Variants in CHN2 observed in about 807,000 individuals in gnomAD.
CHN2 encodes beta-chimaerin.
A neutral mutation model predicts 56.3 loss-of-function variants in CHN2; 35 were observed. The observed-to-expected ratio is 0.62, with a 90% CI of 0.47 to 0.82. The LOEUF is 0.82. Among genes scored for constraint, CHN2 ranks in the 40% least tolerant of loss-of-function variants. The probability of loss-of-function intolerance (pLI) is 0.00; values close to 1 mark genes in which losing one functional copy is unlikely to be tolerated. For synonymous variants in CHN2, 210 were observed against 212.8 expected (o/e 0.99, Z 0.12); for missense variants, 491 against 580.5 (o/e 0.85, Z 1.58).
intron 1 of CHN2, among the ~76,000 whole-genome samples, chr7:29,306,336 G>T (rs1644508385): frequency 6.6e-6 from 1 of 152,116 alleles, no homozygotes; most frequent in Admixed American, 6.5e-5. Flanking sequence ...TTAATTATTG[G>T]TATCTCTGAA....
chr7:29,371,402 T>C (rs887799865), intron 3 of CHN2, among the ~76,000 whole-genome samples: 1 of 152,210 alleles, frequency 6.6e-6, no homozygotes, highest in African/African-American at 2.4e-5. Context: ...TGCAAATTAA[T>C]ATTTATTGGG....
chr7:29,391,665 G>T (rs796131386), intron 3 of CHN2, among the ~76,000 whole-genome samples: 1 of 152,144 alleles, frequency 6.6e-6, no homozygotes, highest in African/African-American at 2.4e-5. Context: ...CTAAATATCA[G>T]CTTCCCTCTT....
chr7:29,300,642 C>T (rs1345896473), intron 1 of CHN2, among the ~76,000 whole-genome samples: 1 of 152,170 alleles, frequency 6.6e-6, no homozygotes, highest in African/African-American at 2.4e-5. Context: ...ATTCAGTGTT[C>T]AGACTTGAAA....
chr7:29,321,562 CTTTCTTTCT>C (rs1325536428), intron 1 of CHN2, among the ~76,000 whole-genome samples: 1 of 119,640 alleles, frequency 8.4e-6, no homozygotes, highest in African/African-American at 2.8e-5. Flanking sequence ...TTCTTTCTTT[CTTTCTTTCT>C]TTTTTTTTTT....
chr7:29,218,948 T>C (rs921493841), intron 1 of CHN2, among the ~76,000 whole-genome samples: 1 of 150,630 alleles, frequency 6.6e-6, no homozygotes, highest in Non-Finnish European at 1.5e-5. Flanking sequence ...GAACTTAAAG[T>C]ATAATAATAA....
rs143504271 is a variant in CHN2 at position 29,273,166 on chromosome 7, G to A, written c.49+78176G>A. 1.1e-3 allele frequency among the ~76,000 whole-genome samples: 160 copies of A among 151,240 alleles called. 2 individuals carry two copies. The highest frequency in any genetic ancestry group is 3.8e-3 in the African/African-American group (157 of 41,194). ...AATCATTGTTTCATTCTCTATCTCT[G>A]TGTATTTGAGCTTTTTAAATTCCAC... On this transcript the variant is annotated intron_variant, in intron 1 of 12. Coordinates refer to ENST00000222792, the MANE Select transcript of CHN2 (RefSeq NM_004067.4).
chr7:29,465,853 A>T (rs1251471905), intron 6 of CHN2, among the ~76,000 whole-genome samples: 1 of 152,200 alleles, frequency 6.6e-6, no homozygotes, highest in Non-Finnish European at 1.5e-5. Context: ...AACAAAAATT[A>T]AACTAGAAAA....
intron 6 of CHN2, among the ~76,000 whole-genome samples, chr7:29,435,479 C>T (rs1443587703): frequency 1.3e-5 from 2 of 152,196 alleles, no homozygotes; most frequent in Non-Finnish European, 1.5e-5. Flanking sequence ...TGGTAGAGCC[C>T]ACTACATACC....
chr7:29,320,493 T>TA (rs1461989075), intron 1 of CHN2, among the ~76,000 whole-genome samples: 3 of 152,108 alleles, frequency 2.0e-5, no homozygotes, highest in East Asian at 1.9e-4. Context: ...AACTTTATTA[T>TA]AAAAAATTCT....
intron 6 of CHN2, among the ~76,000 whole-genome samples, chr7:29,419,861 A>T (rs769678736): frequency 2.6e-5 from 4 of 152,120 alleles, no homozygotes; most frequent in Non-Finnish European, 5.9e-5. Context: ...GGAGTTCCAG[A>T]CCAGCCTGGC....
intron 6 of CHN2, among the ~76,000 whole-genome samples, chr7:29,427,272 T>C (rs939983611): frequency 9.9e-5 from 15 of 152,198 alleles, no homozygotes; most frequent in Non-Finnish European, 2.2e-4. Context: ...ACTGAGATTG[T>C]GCCACTGCAC....
intron 1 of CHN2, among the ~76,000 whole-genome samples, chr7:29,333,816 A>G (rs1174641079): frequency 1.3e-5 from 2 of 152,062 alleles, no homozygotes; most frequent in African/African-American, 4.8e-5. Flanking sequence ...CATAGTGGTG[A>G]GTTCTGGATT....
intron 6 of CHN2, among the ~76,000 whole-genome samples, chr7:29,434,329 C>T (rs1783066807): frequency 6.6e-6 from 1 of 152,088 alleles, no homozygotes; most frequent in South Asian, 2.1e-4. Context: ...TCAGTTTCAT[C>T]AGGCTGCTAT....
chr7:29,242,818 A>G (rs1448931513), intron 1 of CHN2, among the ~76,000 whole-genome samples: 1 of 149,954 alleles, frequency 6.7e-6, no homozygotes, highest in African/African-American at 2.4e-5. Flanking sequence ...TTCAGATGAC[A>G]TTTCTATGAG....
Position 29,400,723 on chromosome 7 carries a change from A to G in CHN2, c.471A>G (p.Gly157=). 1.2e-6 allele frequency: 2 copies of G among 1,614,204 alleles called. No homozygotes were observed. Among genetic ancestry groups the G allele is most frequent in the Non-Finnish European group, 1.7e-6 (2 of 1,180,038 alleles). ...MTTNPIYEHI[G]YATLLREKVS... Reference sequence around the variant, plus strand: ...CTAACCCCATCTATGAACACATTGGATATGCCACCCTACTCAGAGAAAAAG... The same window carrying G: ...CTAACCCCATCTATGAACACATTGGGTATGCCACCCTACTCAGAGAAAAAG... The change falls in exon 6 of 13, where the codon GGA becomes GGG. Residue 157 remains glycine, a synonymous_variant. Transcript: ENST00000222792.
In CHN2 at chr7:29,159,746, C is replaced by T. The variant is rs140361253; in HGVS notation, c.274+12786C>T. Among the ~76,000 whole-genome samples, 398 of 152,310 alleles carry T rather than the reference C, an allele frequency of 2.6e-3. 1 individual carries two copies. The highest frequency in any genetic ancestry group is 9.0e-3 in the African/African-American group (375 of 41,572). On this transcript the variant is annotated intron_variant, in intron 2 of 6. Transcript: ENST00000439384. ...TGATCCCTTTTACTCTGTCCTGTCT[C>T]TTCTTCAAAGCACCTATCACCTGCT...
intron 1 of CHN2, among the ~76,000 whole-genome samples, chr7:29,299,884 G>A (rs909343412): frequency 6.6e-6 from 1 of 152,182 alleles, no homozygotes; most frequent in African/African-American, 2.4e-5. Context: ...GAGAATCAGG[G>A]AAGACCTGGA....
rs149406362 is a variant in CHN2 at position 29,437,846 on chromosome 7, A to T, written c.576+37018A>T. 6.1e-3 allele frequency among the ~76,000 whole-genome samples: 926 copies of T among 152,306 alleles called. 6 individuals are homozygous for T. The highest frequency in any genetic ancestry group is 0.019 in the African/African-American group (776 of 41,566). The stretch of plus-strand genomic sequence containing the variant: ...ATATTTAAGTTAAATATACAAATAT[A>T]TATACATGGAGCCCAGAGGGGTCAG... On this transcript the variant is annotated intron_variant, in intron 6 of 12. Coordinates refer to ENST00000222792, the MANE Select transcript of CHN2 (RefSeq NM_004067.4).
intron 1 of CHN2, among the ~76,000 whole-genome samples, chr7:29,324,342 TA>T: frequency 6.6e-6 from 1 of 152,186 alleles, no homozygotes; most frequent in Non-Finnish European, 1.5e-5. Flanking sequence ...ATTAGCTTTA[TA>T]AAAGTGATTG....
Sources: allele counts gnomAD v4.1 joint callset (sites outside exome capture counted in the v4.1 genomes callset), GRCh38; gene constraint gnomAD v4.1.1; transcripts MANE v1.5; gene names NCBI Gene and HGNC (gene_info 2026-07-23, HGNC 2026-07-21).